Variants in HS1BP3 observed in about 807,000 individuals in gnomAD.
HS1BP3 encodes the protein HCLS1-binding protein 3.
Under a neutral mutation model 33.5 loss-of-function variants are expected in HS1BP3, and 32 were observed. That is an observed-to-expected ratio of 0.95 (90% CI 0.72 to 1.28). The LOEUF is 1.28. HS1BP3 is among the 50% of genes most tolerant of loss of function. The pLI, the probability that HS1BP3 is intolerant of heterozygous loss-of-function variation, is 0.00. For missense variants in HS1BP3, 486 were observed against 502.3 expected, an observed-to-expected ratio of 0.97 and a Z score of 0.31; for synonymous variants, 187 against 209.2, an observed-to-expected ratio of 0.89 and a Z score of 0.92.
chr2:20,565,030 G>A (rs752305283), intron 5 of HS1BP3, among the ~76,000 whole-genome samples: 1 of 152,172 alleles, frequency 6.6e-6, no homozygotes, highest in Non-Finnish European at 1.5e-5. Flanking sequence ...ATTAGCAACA[G>A]CCCAGACTGG....
At chr2:20,624,608 T>C (rs1184798892) in intron 5 of HS1BP3, 124 bp downstream of exon 5, 3 of 896,502 alleles carry the variant, frequency 3.3e-6, no homozygotes, top group African/African-American at 1.7e-5. Flanking sequence ...TGAGTCTATA[T>C]CACATCTAAA....
intron 3 of HS1BP3, among the ~76,000 whole-genome samples, chr2:20,595,740 G>A (rs1362973276): frequency 1.3e-5 from 2 of 152,206 alleles, no homozygotes; most frequent in African/African-American, 2.4e-5. Flanking sequence ...CAAGGAAGCC[G>A]CTGGCTGGAG....
At chr2:20,605,264 G>T (rs1476966313) in intron 2 of HS1BP3, among the ~76,000 whole-genome samples, 1 of 152,058 alleles carries the variant, frequency 6.6e-6, no homozygotes, top group Non-Finnish European at 1.5e-5. Context: ...ATAGACACAG[G>T]TTGCACCCCC....
At chr2:20,570,915 A>G (rs989687377) in intron 5 of HS1BP3, among the ~76,000 whole-genome samples, 1 of 152,100 alleles carries the variant, frequency 6.6e-6, no homozygotes, top group Non-Finnish European at 1.5e-5. Context: ...AGGGTCATGG[A>G]AGGCCTCAGA....
At chr2:20,578,746 C>T (rs1238808039) in intron 5 of HS1BP3, among the ~76,000 whole-genome samples, 1 of 152,190 alleles carries the variant, frequency 6.6e-6, no homozygotes, top group African/African-American at 2.4e-5. Context: ...GCAGTACTGC[C>T]ACCTGCACTG....
chr2:20,626,972 C>G (rs1230016081), intron 4 of HS1BP3, among the ~76,000 whole-genome samples: 1 of 152,160 alleles, frequency 6.6e-6, no homozygotes, highest in African/African-American at 2.4e-5. Context: ...CTGGGGCAGA[C>G]AGCAAAGCTG....
intron 5 of HS1BP3, among the ~76,000 whole-genome samples, chr2:20,565,989 G>C (rs1693117222): frequency 6.6e-6 from 1 of 152,230 alleles, no homozygotes; most frequent in South Asian, 2.1e-4. Flanking sequence ...TGGTATGGTA[G>C]TTATGACAAC....
At chr2:20,642,663 C>T (rs1408121523) in intron 2 of HS1BP3, among the ~76,000 whole-genome samples, 6 of 152,226 alleles carry the variant, frequency 3.9e-5, no homozygotes, top group Admixed American at 3.3e-4. Context: ...GCACTGGCAT[C>T]GTGAGTACTC....
chr2:20,634,418 G>A (rs1405060663), intron 4 of HS1BP3, among the ~76,000 whole-genome samples: 1 of 152,238 alleles, frequency 6.6e-6, no homozygotes, highest in Non-Finnish European at 1.5e-5. Flanking sequence ...TCCCTAGGTG[G>A]TCTCTGTTGC....
At chr2:20,613,503 G>C (rs182236145), downstream of HS1BP3, among the ~76,000 whole-genome samples, 1 of 152,222 alleles carries the variant, frequency 6.6e-6, no homozygotes, top group Non-Finnish European at 1.5e-5. Flanking sequence ...CTGGAGGAAG[G>C]AAGGAAGGAA....
chr2:20,643,783 A>G (rs1430112730), intron 2 of HS1BP3, among the ~76,000 whole-genome samples: 1 of 151,916 alleles, frequency 6.6e-6, no homozygotes, highest in Non-Finnish European at 1.5e-5. Flanking sequence ...TTAAAAAAGA[A>G]AAAGCTGGGC....
intron 5 of HS1BP3, among the ~76,000 whole-genome samples, chr2:20,573,980 G>A (rs75705285): frequency 2.1e-3 from 321 of 152,338 alleles, no homozygotes; most frequent in African/African-American, 6.3e-3. Flanking sequence ...AGAAACAAAA[G>A]CTTCTTGGAC....
In HS1BP3 at chr2:20,650,994, G is replaced by T. The variant is rs1695678052; in HGVS notation, c.32+38C>A. On this transcript the variant is annotated intron_variant, in intron 1 of 6. Coordinates refer to ENST00000304031, the MANE Select transcript of HS1BP3 (RefSeq NM_022460.4). The stretch of plus-strand genomic sequence containing the variant: ...CCTCTCCGCCCGGGCGCCCCGGACT[G>T]CGAGCTGTGCGGTGTGGGGCGCGGG... 22 of 1,233,410 alleles carry T rather than the reference G, an allele frequency of 1.8e-5. No individual in the cohort carries two copies. The South Asian group carries it at 8.2e-4, about 46-fold the overall frequency. 76.4% of individuals were successfully genotyped at this position (1,233,410 alleles called of 1,614,324 possible).
chr2:20,649,379 C>T (rs947871533), intron 1 of HS1BP3, among the ~76,000 whole-genome samples: 3 of 152,208 alleles, frequency 2.0e-5, no homozygotes, highest in South Asian at 2.1e-4. Context: ...TCTGTCCAGG[C>T]GCCACTCCAT....
chr2:20,630,829 G>A (rs549485143), intron 4 of HS1BP3, among the ~76,000 whole-genome samples: 2 of 152,320 alleles, frequency 1.3e-5, no homozygotes, highest in South Asian at 4.1e-4. Context: ...CCATGAAAAT[G>A]CCAAGGTGTG....
chr2:20,605,969 G>A (rs1277929862), intron 2 of HS1BP3, among the ~76,000 whole-genome samples: 3 of 152,200 alleles, frequency 2.0e-5, no homozygotes, highest in Non-Finnish European at 4.4e-5. Flanking sequence ...ATACCTAGGA[G>A]TGGAATGCTG....
At chr2:20,568,911 G>A (rs1403472811) in intron 5 of HS1BP3, among the ~76,000 whole-genome samples, 1 of 152,220 alleles carries the variant, frequency 6.6e-6, no homozygotes, top group Non-Finnish European at 1.5e-5. Context: ...CAAGGAGATT[G>A]CCCTCGAGGC....
chr2:20,585,535 G>A (rs1693660503), intron 5 of HS1BP3, among the ~76,000 whole-genome samples: 1 of 152,188 alleles, frequency 6.6e-6, no homozygotes, highest in South Asian at 2.1e-4. Flanking sequence ...AAGGTCACAC[G>A]ATTAGCAAGT....
At chr2:20,581,441 C>T (rs529520800) in intron 5 of HS1BP3, among the ~76,000 whole-genome samples, 4 of 152,238 alleles carry the variant, frequency 2.6e-5, no homozygotes, top group African/African-American at 9.6e-5. Context: ...TCTCTGCCTC[C>T]TGGGTTCAAG....
Sources: allele counts gnomAD v4.1 joint callset (sites outside exome capture counted in the v4.1 genomes callset), GRCh38; gene constraint gnomAD v4.1.1; transcripts MANE v1.5; gene names NCBI Gene and HGNC (gene_info 2026-07-23, HGNC 2026-07-21).